Variants in HAVCR2 observed in about 807,000 individuals in gnomAD.
HAVCR2 encodes hepatitis A virus cellular receptor 2, also known as T cell immunoglobulin mucin 3.
In HAVCR2, 13 loss-of-function variants were observed where a neutral mutation model predicts 24.7. That is an observed-to-expected ratio of 0.53 (90% CI 0.34 to 0.84). The LOEUF is 0.84. Among genes scored for constraint, HAVCR2 ranks in the 40% least tolerant of loss-of-function variants. The pLI is 0.01. For synonymous variants in HAVCR2, 154 were observed against 143.4 expected (o/e 1.07, Z -0.53); for missense variants, 343 against 371.2 (o/e 0.92, Z 0.62).
intron 4 of HAVCR2, among the ~76,000 whole-genome samples, chr5:157,097,506 C>T (rs1237789084): frequency 6.6e-6 from 1 of 152,110 alleles, no homozygotes; most frequent in Non-Finnish European, 1.5e-5. Context: ...GCATTCCTTC[C>T]ACCTTGGCCT....
At chr5:157,100,167 T>C (rs1757149044) in intron 3 of HAVCR2, among the ~76,000 whole-genome samples, 1 of 152,232 alleles carries the variant, frequency 6.6e-6, no homozygotes, top group Non-Finnish European at 1.5e-5. Flanking sequence ...GCACTTACTT[T>C]AGAACTACGC....
In HAVCR2 at chr5:157,095,460, C is replaced by T. The variant is rs1757083456; in HGVS notation, c.523-1G>A. On this transcript the variant is annotated splice_acceptor_variant, in intron 4 of 6. Coordinates refer to ENST00000307851, the MANE Select transcript of HAVCR2 (RefSeq NM_032782.5). LOFTEE classifies it high-confidence loss of function. ...ACTCATTGGCCAATGTGGATATTTG[C>T]TATGGAAACACAAACAGGATTTAAG... 6.2e-7 allele frequency: 1 copy of T among 1,613,838 alleles called. No homozygotes were observed. Among genetic ancestry groups the T allele is most frequent in the Non-Finnish European group, 8.5e-7 (1 of 1,179,940 alleles).
At chr5:157,096,900 A>G (rs1757101291) in intron 4 of HAVCR2, among the ~76,000 whole-genome samples, 1 of 151,322 alleles carries the variant, frequency 6.6e-6, no homozygotes, top group African/African-American at 2.4e-5. Flanking sequence ...GGACCAGCCT[A>G]ATAATATTGA....
At chr5:157,092,913 A>AAAAAAAAAAAAAAAAAAAAAT (rs1561619880) in intron 5 of HAVCR2, among the ~76,000 whole-genome samples, 7 of 122,970 alleles carry the variant, frequency 5.7e-5, no homozygotes, top group African/African-American at 1.9e-4. Flanking sequence ...AAAAAAAAAA[A>AAAAAAAAAAAAAAAAAAAAAT]AAAAACTAGC....
At chr5:157,107,093 G>A (rs755589120) in intron 1 of HAVCR2, 131 bp from the exon 2 acceptor site, 30 of 720,950 alleles carry the variant, frequency 4.2e-5, no homozygotes, top group Non-Finnish European at 6.3e-5. Flanking sequence ...AGGATGATTC[G>A]CTGTGACAAT....
chr5:157,102,733 G>C (rs998412226), intron 3 of HAVCR2, among the ~76,000 whole-genome samples: 1 of 151,898 alleles, frequency 6.6e-6, no homozygotes. Flanking sequence ...TTAGGAGTTC[G>C]AGACCAGCAT....
At chr5:157,105,679 C>G (rs1196456958) in intron 2 of HAVCR2, among the ~76,000 whole-genome samples, 1 of 152,138 alleles carries the variant, frequency 6.6e-6, no homozygotes, top group Non-Finnish European at 1.5e-5. Flanking sequence ...GATGTAAACT[C>G]AGCTCTATCT....
intron 4 of HAVCR2, among the ~76,000 whole-genome samples, chr5:157,098,311 G>A (rs1002265603): frequency 2.6e-5 from 4 of 151,958 alleles, no homozygotes; most frequent in African/African-American, 7.3e-5. Context: ...GAAGGCTGAG[G>A]CAGGAGAATC....
chr5:157,098,813 C>T, intron 4 of HAVCR2, 45 bp downstream of exon 4: 1 of 1,566,670 alleles, frequency 6.4e-7, no homozygotes, highest in Non-Finnish European at 8.7e-7. Context: ...CCATGATTTC[C>T]CCTCCAAGTT....
rs1554095889 is a variant in HAVCR2, at chr5:157,104,611, T to C, written c.478+55A>G. On this transcript the variant is annotated intron_variant, in intron 3 of 6. Coordinates refer to ENST00000307851, the MANE Select transcript of HAVCR2 (RefSeq NM_032782.5). ...TCATCTTTTTTTCCCACATTCAAAA[T>C]CCTCTGAATTCAGAGCCAGCTAAAG... 1.4e-5 allele frequency: 17 copies of C among 1,236,488 alleles called. No individual in the cohort carries two copies. The South Asian group carries it at 2.0e-4, about 14-fold the overall frequency. The allele number at this position is 1,236,488 out of a possible 1,614,324, so 76.6% of individuals were successfully genotyped here. A position where few individuals can be genotyped will look rare whatever the true frequency, so the allele number is the denominator to read the frequency against.
intron 5 of HAVCR2, among the ~76,000 whole-genome samples, chr5:157,090,717 G>A (rs1756987352): frequency 6.6e-6 from 1 of 152,140 alleles, no homozygotes; most frequent in Admixed American, 6.6e-5. Flanking sequence ...TTCGAAGGAG[G>A]AATAAAGAAA....
chr5:157,107,909 T>C (rs1472185552), intron 1 of HAVCR2, among the ~76,000 whole-genome samples: 1 of 148,478 alleles, frequency 6.7e-6, no homozygotes, highest in Non-Finnish European at 1.5e-5. Flanking sequence ...ATATCCCACC[T>C]TGTCCCCTTT....
chr5:157,092,902 A>ATAAAAAAAAAAT (rs1561619853), intron 5 of HAVCR2, among the ~76,000 whole-genome samples: 1 of 100,194 alleles, frequency 1.0e-5, no homozygotes, highest in African/African-American at 3.9e-5. Context: ...AAAAAAAAAA[A>ATAAAAAAAAAAT]AAAAAAAAAA....
chr5:157,104,268 G>A (rs919745), intron 3 of HAVCR2, among the ~76,000 whole-genome samples: 126,880 of 152,116 alleles, frequency 0.83, 53,042 homozygotes, highest in East Asian at 0.99. Context: ...CTAGCTAGAA[G>A]GCATCCTAGA....
At chr5:157,087,827 C>T (rs543035738) in intron 6 of HAVCR2, among the ~76,000 whole-genome samples, 4 of 149,782 alleles carry the variant, frequency 2.7e-5, no homozygotes, top group Admixed American at 6.7e-5. Context: ...CGCTTGAACC[C>T]GAGAAGCAGA....
intron 5 of HAVCR2, among the ~76,000 whole-genome samples, chr5:157,090,276 A>C (rs1756979093): frequency 6.6e-6 from 1 of 151,382 alleles, no homozygotes; most frequent in South Asian, 2.1e-4. Flanking sequence ...CTATAGGTGC[A>C]CACTACCACA....
chr5:157,091,501 G>T (rs936796394), intron 5 of HAVCR2, among the ~76,000 whole-genome samples: 3 of 152,008 alleles, frequency 2.0e-5, no homozygotes, highest in Non-Finnish European at 4.4e-5. Context: ...GAAAACTGAA[G>T]GTCAGTGGTG....
At chr5:157,094,331 C>G (rs925314537) in intron 5 of HAVCR2, among the ~76,000 whole-genome samples, 1 of 152,024 alleles carries the variant, frequency 6.6e-6, no homozygotes, top group Non-Finnish European at 1.5e-5. Context: ...AGGCATGAGC[C>G]ACTGCACCTG....
At chr5:157,089,982 G>A (rs1201184950) in intron 5 of HAVCR2, among the ~76,000 whole-genome samples, 5 of 152,042 alleles carry the variant, frequency 3.3e-5, no homozygotes, top group East Asian at 1.9e-4. Flanking sequence ...AAACAACTAC[G>A]TTATCTCATC....
Sources: gnomAD v4.1 joint callset for allele counts (sites outside exome capture counted in the v4.1 genomes callset) on GRCh38, gnomAD v4.1.1 for gene constraint, MANE v1.5 for transcripts, NCBI Gene and HGNC (gene_info 2026-07-23, HGNC 2026-07-21) for gene names.